SEMA3A: variants seen among roughly 807,000 people sequenced by gnomAD.
SEMA3A encodes the protein semaphorin 3A.
In SEMA3A, 29 loss-of-function variants were observed where a neutral mutation model predicts 97.9. The ratio of observed to expected loss-of-function variants is 0.30; its 90% CI spans 0.22 to 0.40. SEMA3A has a LOEUF of 0.40. Among genes scored for constraint, SEMA3A ranks in the 10% least tolerant of loss-of-function variants. The pLI, the probability that SEMA3A is intolerant of heterozygous loss-of-function variation, is 1.00. For missense variants in SEMA3A, 763 were observed against 951.3 expected, an observed-to-expected ratio of 0.80 and a Z score of 2.60; for synonymous variants, 321 against 323.7, an observed-to-expected ratio of 0.99 and a Z score of 0.09.
chr7:84,188,313 C>T (rs1022846770), intron 1 of SEMA3A, among the ~76,000 whole-genome samples: 1 of 151,956 alleles, frequency 6.6e-6, no homozygotes, highest in African/African-American at 2.4e-5. Flanking sequence ...TTGACAGACT[C>T]CAGCTTTGTT....
At chr7:84,354,368 G>A (rs561062181) in intron 2 of SEMA3A, among the ~76,000 whole-genome samples, 1 of 151,442 alleles carries the variant, frequency 6.6e-6, no homozygotes, top group Non-Finnish European at 1.5e-5. Context: ...CAACAGATAT[G>A]GTGTTTTCAA....
intron 2 of SEMA3A, among the ~76,000 whole-genome samples, chr7:84,315,790 A>G (rs17276858): frequency 0.016 from 2,403 of 152,228 alleles, 36 homozygotes; most frequent in Non-Finnish European, 0.026. Flanking sequence ...TAGGTTTTAT[A>G]TTAAGATGTT....
At chr7:84,344,173 G>T in intron 2 of SEMA3A, among the ~76,000 whole-genome samples, 1 of 152,168 alleles carries the variant, frequency 6.6e-6, no homozygotes, top group Non-Finnish European at 1.5e-5. Flanking sequence ...ATGTTTGTCC[G>T]TATACTCAGT....
chr7:84,055,243 T>C (rs1394913115), intron 5 of SEMA3A, among the ~76,000 whole-genome samples: 9 of 152,212 alleles, frequency 5.9e-5, no homozygotes, highest in African/African-American at 2.2e-4. Context: ...CAGTTGGAGC[T>C]TCCAGGCTGC....
intron 2 of SEMA3A, among the ~76,000 whole-genome samples, chr7:84,313,207 A>G (rs1342764746): frequency 6.9e-6 from 1 of 145,714 alleles, no homozygotes; most frequent in African/African-American, 2.5e-5. Flanking sequence ...TTGCTAGAAA[A>G]GTTCCAAATT....
chr7:84,210,945 T>C (rs1192650143), intron 3 of SEMA3A, among the ~76,000 whole-genome samples: 1 of 152,168 alleles, frequency 6.6e-6, no homozygotes, highest in Non-Finnish European at 1.5e-5. Context: ...TGGCTAGATA[T>C]TTTTACTGAA....
intron 12 of SEMA3A, 69 bp from the exon 13 acceptor site, chr7:83,985,546 C>T (rs997788199): frequency 8.2e-7 from 1 of 1,217,150 alleles, no homozygotes; most frequent in African/African-American, 1.5e-5. Flanking sequence ...TTAATTAACT[C>T]AAGGCACTGC....
chr7:84,448,244 T>C (rs1269380407), intron 1 of SEMA3A, among the ~76,000 whole-genome samples: 1 of 152,118 alleles, frequency 6.6e-6, no homozygotes, highest in African/African-American at 2.4e-5. Context: ...GCTGGCGAAG[T>C]GACACCCCAA....
chr7:84,146,396 C>T (rs914830804), intron 1 of SEMA3A, among the ~76,000 whole-genome samples: 2 of 152,130 alleles, frequency 1.3e-5, no homozygotes, highest in African/African-American at 2.4e-5. Flanking sequence ...GGTCTCCTGG[C>T]TCCACATTCG....
chr7:84,024,084 C>G (rs1372321874), intron 6 of SEMA3A, among the ~76,000 whole-genome samples: 1 of 151,726 alleles, frequency 6.6e-6, no homozygotes, highest in African/African-American at 2.4e-5. Context: ...TAAAGGAGGT[C>G]CCAGTGACAT....
intron 1 of SEMA3A, among the ~76,000 whole-genome samples, chr7:84,429,104 T>A (rs767759827): frequency 6.6e-6 from 1 of 152,012 alleles, no homozygotes; most frequent in Non-Finnish European, 1.5e-5. Context: ...AGACAGTGGT[T>A]TAAACCAATT....
intron 6 of SEMA3A, among the ~76,000 whole-genome samples, chr7:84,026,950 C>T (rs1328583707): frequency 1.3e-5 from 2 of 151,972 alleles, no homozygotes; most frequent in East Asian, 3.9e-4. Context: ...CCCTGTGACA[C>T]GAGTTTACCT....
chr7:84,283,427 G>T (rs548510067), intron 3 of SEMA3A, among the ~76,000 whole-genome samples: 30 of 151,946 alleles, frequency 2.0e-4, no homozygotes, highest in African/African-American at 6.5e-4. Context: ...ACATCATTAG[G>T]CTTAAAATCC....
intron 11 of SEMA3A, among the ~76,000 whole-genome samples, chr7:84,002,372 G>C (rs1790495103): frequency 6.6e-6 from 1 of 152,100 alleles, no homozygotes. Context: ...GCCTGGATTG[G>C]ATCAATTCTT....
At chr7:84,047,199 T>C (rs984037223) in intron 5 of SEMA3A, among the ~76,000 whole-genome samples, 5 of 151,960 alleles carry the variant, frequency 3.3e-5, no homozygotes, top group African/African-American at 7.2e-5. Context: ...GCTACTTAAA[T>C]TGAATTAACT....
intron 11 of SEMA3A, among the ~76,000 whole-genome samples, chr7:84,002,526 T>C (rs987629038): frequency 2.0e-5 from 3 of 151,996 alleles, no homozygotes; most frequent in Non-Finnish European, 2.9e-5. Context: ...AAATGAAAAA[T>C]GCAAGGAATG....
At chr7:84,159,873 G>A (rs1418987051) in intron 1 of SEMA3A, among the ~76,000 whole-genome samples, 1 of 152,026 alleles carries the variant, frequency 6.6e-6, no homozygotes, top group African/African-American at 2.4e-5. Context: ...CTTAATATGA[G>A]TTTCATAATT....
intron 1 of SEMA3A, among the ~76,000 whole-genome samples, chr7:84,484,025 C>T (rs1304494902): frequency 7.3e-6 from 1 of 136,800 alleles, no homozygotes; most frequent in Non-Finnish European, 1.6e-5. Context: ...GCTTGGGCAA[C>T]AAGAGTGAAA....
At chr7:84,481,311 T>C (rs1922343) in intron 1 of SEMA3A, among the ~76,000 whole-genome samples, 30,458 of 152,078 alleles carry the variant, frequency 0.2, 3,699 homozygotes, top group East Asian at 0.47. Flanking sequence ...CTGCAAAGGG[T>C]GGGACTAAAC....
Sources: gnomAD v4.1 joint callset for allele counts (sites outside exome capture counted in the v4.1 genomes callset) on GRCh38, gnomAD v4.1.1 for gene constraint, MANE v1.5 for transcripts, NCBI Gene and HGNC (gene_info 2026-07-23, HGNC 2026-07-21) for gene names.